The following ZC3H12B variants were observed in gnomAD, a reference collection of about 807,000 sequenced individuals.
ZC3H12B encodes probable ribonuclease ZC3H12B.
Under a neutral mutation model 43.9 loss-of-function variants are expected in ZC3H12B, and 7 were observed. The observed-to-expected ratio is 0.16, with a 90% CI of 0.09 to 0.30. ZC3H12B has a LOEUF of 0.30. Among genes scored for constraint, ZC3H12B ranks in the 10% least tolerant of loss-of-function variants. The pLI, the probability that ZC3H12B is intolerant of heterozygous loss-of-function variation, is 1.00. For missense variants in ZC3H12B, 475 were observed against 670.2 expected (o/e 0.71, Z 3.22); for synonymous variants, 222 against 241.7 (o/e 0.92, Z 0.76).
upstream of ZC3H12B, among the ~76,000 whole-genome samples, chrX:65,485,110 A>T (rs1294057225): frequency 3.6e-5 from 4 of 112,428 alleles, no homozygotes; most frequent in Non-Finnish European, 7.5e-5. Context: ...ACACGTGGCT[A>T]TCTGGTGACA....
At chrX:65,065,277 T>C in the ZC3H12B span, among the ~76,000 whole-genome samples, 1 of 111,983 alleles carries the variant, frequency 8.9e-6, no homozygotes, top group East Asian at 2.8e-4. Flanking sequence ...CAGTGACTGG[T>C]ACCAGTTTTT....
chrX:65,389,293 G>A (rs1043449357), intron 2 of ZC3H12B, among the ~76,000 whole-genome samples: 10 of 112,145 alleles, frequency 8.9e-5, no homozygotes, highest in African/African-American at 1.9e-4. Flanking sequence ...CCCAGTTCGC[G>A]CTTCCCAGCT....
At chrX:65,257,673 A>G in the ZC3H12B span, among the ~76,000 whole-genome samples, 3 of 111,166 alleles carry the variant, frequency 2.7e-5, no homozygotes, top group African/African-American at 9.8e-5. Context: ...AGAGGTTGAA[A>G]TAATCATAAA....
the ZC3H12B span, among the ~76,000 whole-genome samples, chrX:65,354,327 G>A: frequency 1.2e-4 from 13 of 112,105 alleles, no homozygotes; most frequent in Non-Finnish European, 3.8e-5. Context: ...ACAGTCTGGA[G>A]TGGACCTCCA....
chrX:65,284,465 T>C, the ZC3H12B span, among the ~76,000 whole-genome samples: 1 of 111,515 alleles, frequency 9.0e-6, no homozygotes, highest in African/African-American at 3.3e-5. Context: ...GAATAAGAAA[T>C]TTAACCAGAG....
the ZC3H12B span, among the ~76,000 whole-genome samples, chrX:65,231,329 C>G: frequency 9.0e-6 from 1 of 110,980 alleles, no homozygotes; most frequent in East Asian, 2.8e-4. Flanking sequence ...TGATGAGGGT[C>G]CATGTCTCAC....
chrX:65,305,698 A>G, the ZC3H12B span, among the ~76,000 whole-genome samples: 5 of 111,858 alleles, frequency 4.5e-5, no homozygotes, highest in African/African-American at 1.6e-4. Flanking sequence ...CATTTTCCCA[A>G]TTGGATTTTG....
At chrX:65,451,072 C>T in intron 3 of ZC3H12B, among the ~76,000 whole-genome samples, 1 of 108,270 alleles carries the variant, frequency 9.2e-6, no homozygotes, top group Admixed American at 1.0e-4. Flanking sequence ...CTCAGCCTCG[C>T]AAACAACTGG....
the ZC3H12B span, among the ~76,000 whole-genome samples, chrX:65,042,788 A>G: frequency 8.9e-6 from 1 of 112,130 alleles, no homozygotes; most frequent in South Asian, 3.7e-4. Flanking sequence ...GGAAAAAGAA[A>G]GTGCAGAAAG....
chrX:65,142,177 T>G, the ZC3H12B span, among the ~76,000 whole-genome samples: 1 of 112,186 alleles, frequency 8.9e-6, no homozygotes, highest in Non-Finnish European at 1.9e-5. Flanking sequence ...AAATCTACTA[T>G]TTTTTGATTA....
the ZC3H12B span, among the ~76,000 whole-genome samples, chrX:65,212,251 A>ATATATTATATAT: frequency 2.2e-5 from 1 of 45,421 alleles, no homozygotes; most frequent in Non-Finnish European, 3.2e-5. Flanking sequence ...TTATTATATA[A>ATATATTATATAT]TATATAATAT....
chrX:65,070,692 C>T, the ZC3H12B span, among the ~76,000 whole-genome samples: 3 of 110,366 alleles, frequency 2.7e-5, no homozygotes, highest in African/African-American at 9.9e-5. Flanking sequence ...GATTATTTAC[C>T]CAAGAGTGGT....
At chrX:65,445,293 A>G (rs1379926645) in intron 3 of ZC3H12B, among the ~76,000 whole-genome samples, 2 of 112,010 alleles carry the variant, frequency 1.8e-5, no homozygotes, top group Non-Finnish European at 3.8e-5. Flanking sequence ...CTGGGCATTG[A>G]AGACTTAGGC....
the ZC3H12B span, among the ~76,000 whole-genome samples, chrX:65,058,046 G>A: frequency 8.9e-6 from 1 of 112,060 alleles, no homozygotes; most frequent in Non-Finnish European, 1.9e-5. Flanking sequence ...CTTTAGCTCG[G>A]AGAAGTTTGA....
the ZC3H12B span, among the ~76,000 whole-genome samples, chrX:65,173,209 TTGTC>T: frequency 1.8e-5 from 2 of 111,898 alleles, no homozygotes; most frequent in African/African-American, 3.3e-5. Context: ...CACTCATGAT[TTGTC>T]TGTCTGCTTA....
chrX:65,039,697 A>G, the ZC3H12B span, among the ~76,000 whole-genome samples: 7 of 111,894 alleles, frequency 6.3e-5, no homozygotes, highest in Non-Finnish European at 1.1e-4. Context: ...CCAAACCCAT[A>G]TTGGATAAAC....
At chrX:65,311,257 G>A in the ZC3H12B span, among the ~76,000 whole-genome samples, 2 of 111,184 alleles carry the variant, frequency 1.8e-5, no homozygotes, top group Admixed American at 9.6e-5. Flanking sequence ...TCTGACAAAG[G>A]GCTAATATCC....
chrX:65,217,560 G>C, the ZC3H12B span, among the ~76,000 whole-genome samples: 1 of 111,987 alleles, frequency 8.9e-6, no homozygotes, highest in African/African-American at 3.2e-5. Context: ...CAAACATCAA[G>C]ATAACACAGA....
At chrX:65,227,948 A>G in the ZC3H12B span, among the ~76,000 whole-genome samples, 5 of 111,969 alleles carry the variant, frequency 4.5e-5, no homozygotes, top group African/African-American at 9.7e-5. Flanking sequence ...GAATTCTACC[A>G]GAGGTACAAG....
Sources: gnomAD v4.1 joint callset for allele counts (sites outside exome capture counted in the v4.1 genomes callset) on GRCh38, gnomAD v4.1.1 for gene constraint, MANE v1.5 for transcripts, NCBI Gene and HGNC (gene_info 2026-07-23, HGNC 2026-07-21) for gene names.